PRELID2: variants seen among roughly 807,000 people sequenced by gnomAD.
The protein encoded by PRELID2 is PRELI domain-containing protein 2.
A neutral mutation model predicts 28.4 loss-of-function variants in PRELID2; 25 were observed. That is an observed-to-expected ratio of 0.88 (90% CI 0.64 to 1.23). The LOEUF is 1.23. Among genes scored for constraint, PRELID2 ranks in the 50% most tolerant of loss-of-function variants. PRELID2 has a pLI of 0.00. For missense variants in PRELID2, 201 were observed against 214.4 expected (o/e 0.94, Z 0.39); for synonymous variants, 76 against 71.6 (o/e 1.06, Z -0.31).
the PRELID2 span, among the ~76,000 whole-genome samples, chr5:145,449,718 T>C: frequency 3.9e-5 from 6 of 152,086 alleles, no homozygotes; most frequent in Non-Finnish European, 8.8e-5. Flanking sequence ...ACTGCTTAAG[T>C]CTATTCCTGC....
intron 1 of PRELID2, among the ~76,000 whole-genome samples, chr5:145,623,621 ATAGGTAGGTAGATAGG>A (rs1001556972): frequency 5.7e-4 from 86 of 151,984 alleles, no homozygotes; most frequent in African/African-American, 1.4e-3. Flanking sequence ...AGATAAATAG[ATAGGTAGGTAGATAGG>A]TAGGTAGGTA....
chr5:145,733,775 A>T (rs550064099), intron 1 of PRELID2, among the ~76,000 whole-genome samples: 18 of 152,330 alleles, frequency 1.2e-4, no homozygotes, highest in African/African-American at 3.8e-4. Flanking sequence ...TGGTGAGCAG[A>T]ATAGTGGTCC....
chr5:145,372,031 G>A, the PRELID2 span, among the ~76,000 whole-genome samples: 6 of 151,824 alleles, frequency 4.0e-5, no homozygotes, highest in African/African-American at 1.4e-4. Context: ...TCTTTTAATT[G>A]TGATGTTAGT....
intron 1 of PRELID2, among the ~76,000 whole-genome samples, chr5:145,749,392 T>C (rs1220650201): frequency 6.6e-6 from 1 of 152,082 alleles, no homozygotes; most frequent in African/African-American, 2.4e-5. Flanking sequence ...ATTAGAGAAA[T>C]GCAAATCAAA....
At chr5:145,827,283 T>C (rs1755256861) in intron 1 of PRELID2, among the ~76,000 whole-genome samples, 1 of 152,162 alleles carries the variant, frequency 6.6e-6, no homozygotes, top group African/African-American at 2.4e-5. Flanking sequence ...CTCCACACCA[T>C]AGTCTATCTC....
downstream of PRELID2, among the ~76,000 whole-genome samples, chr5:145,753,159 G>T (rs913515035): frequency 1.3e-5 from 2 of 152,168 alleles, no homozygotes; most frequent in Non-Finnish European, 2.9e-5. Flanking sequence ...GCACGAAATG[G>T]CTCTAACCTT....
intron 5 of PRELID2, among the ~76,000 whole-genome samples, chr5:145,775,555 T>C (rs925351918): frequency 6.6e-6 from 1 of 152,236 alleles, no homozygotes; most frequent in Admixed American, 6.5e-5. Context: ...AGCTCCCTTG[T>C]GCACTCTGGA....
intron 1 of PRELID2, among the ~76,000 whole-genome samples, chr5:145,555,839 TCCCC>T (rs1752875705): frequency 1.3e-5 from 2 of 152,220 alleles, no homozygotes; most frequent in African/African-American, 4.8e-5. Context: ...CTTTCTAGTT[TCCCC>T]AAGGCCCTAC....
In PRELID2 at chr5:145,817,421, TTATATATATA is replaced by T. The variant is rs6149278; in HGVS notation, c.368+463_368+472del. 1.4e-4 allele frequency among the ~76,000 whole-genome samples: 14 copies of T among 103,606 alleles called. 1 individual carries two copies. The highest frequency in any genetic ancestry group is 3.2e-4 in the Admixed American group (3 of 9,352). The allele number at this position is 103,606 out of a possible 152,430, so 68.0% of individuals were successfully genotyped here. ...TATGCAATAAAGGAATAAGCTAGTT[TTATATATATA>T]TATATATATATATATATCACATGGT... On this transcript the variant is annotated intron_variant, in intron 4 of 6. Coordinates refer to ENST00000683046, the MANE Select transcript of PRELID2 (RefSeq NM_205846.3).
At chr5:145,823,906 T>A (rs911635044) in intron 1 of PRELID2, among the ~76,000 whole-genome samples, 1 of 152,214 alleles carries the variant, frequency 6.6e-6, no homozygotes, top group Non-Finnish European at 1.5e-5. Flanking sequence ...GTATGTGTTA[T>A]TTTTTCCACT....
At chr5:145,558,047 T>C (rs1181708397) in intron 1 of PRELID2, among the ~76,000 whole-genome samples, 1 of 152,226 alleles carries the variant, frequency 6.6e-6, no homozygotes, top group African/African-American at 2.4e-5. Flanking sequence ...TCATGTCATT[T>C]AATGAGCACT....
intron 1 of PRELID2, among the ~76,000 whole-genome samples, chr5:145,650,834 T>C (rs61119648): frequency 0.085 from 12,958 of 151,902 alleles, 784 homozygotes; most frequent in Admixed American, 0.19. Context: ...GTGTGAGCGA[T>C]GCAGAAGACG....
chr5:145,388,115 A>G, the PRELID2 span, among the ~76,000 whole-genome samples: 1 of 152,154 alleles, frequency 6.6e-6, no homozygotes, highest in Non-Finnish European at 1.5e-5. Flanking sequence ...ACATTACAAG[A>G]ACCTATCACT....
chr5:145,685,664 C>CAG (rs113065468), intron 1 of PRELID2, among the ~76,000 whole-genome samples: 9,481 of 152,026 alleles, frequency 0.062, 940 homozygotes, highest in African/African-American at 0.21. Flanking sequence ...ATATATTAAT[C>CAG]AGAGAGAGAC....
the PRELID2 span, among the ~76,000 whole-genome samples, chr5:145,417,397 A>T: frequency 6.6e-6 from 1 of 152,208 alleles, no homozygotes; most frequent in African/African-American, 2.4e-5. Context: ...AACTCATTCT[A>T]TGAGGCCAGC....
chr5:145,715,977 G>A (rs538242065), intron 1 of PRELID2, among the ~76,000 whole-genome samples: 12 of 152,058 alleles, frequency 7.9e-5, no homozygotes, highest in African/African-American at 1.9e-4. Flanking sequence ...CTCTGGCTGC[G>A]TGTGGCCCAG....
chr5:145,286,663 C>T, the PRELID2 span, among the ~76,000 whole-genome samples: 2 of 150,866 alleles, frequency 1.3e-5, no homozygotes, highest in Non-Finnish European at 2.9e-5. Context: ...TGAAAATAAA[C>T]AAGGAAAATG....
At chr5:145,614,657 A>T (rs1014026966) in intron 1 of PRELID2, among the ~76,000 whole-genome samples, 3 of 152,170 alleles carry the variant, frequency 2.0e-5, no homozygotes, top group African/African-American at 7.2e-5. Flanking sequence ...TAGAAGAGCT[A>T]CTGATTTGTG....
intron 1 of PRELID2, among the ~76,000 whole-genome samples, chr5:145,588,993 T>G (rs1251692093): frequency 6.6e-6 from 1 of 152,166 alleles, no homozygotes; most frequent in African/African-American, 2.4e-5. Context: ...TAATCTTACC[T>G]CTAGTTTATT....
Sources: gnomAD v4.1 joint callset for allele counts (sites outside exome capture counted in the v4.1 genomes callset) on GRCh38, gnomAD v4.1.1 for gene constraint, MANE v1.5 for transcripts, NCBI Gene and HGNC (gene_info 2026-07-23, HGNC 2026-07-21) for gene names.